Variants in ACSL6 observed in about 807,000 individuals in gnomAD.
The protein encoded by ACSL6 is long-chain-fatty-acid--CoA ligase 6.
In ACSL6, 47 loss-of-function variants were observed where a neutral mutation model predicts 98.2. That is an observed-to-expected ratio of 0.48 (90% CI 0.38 to 0.61). ACSL6 has a LOEUF of 0.61. ACSL6 is among the 20% of genes least tolerant of loss of function. The pLI is 0.00. For missense variants in ACSL6, 761 were observed against 913.4 expected (o/e 0.83, Z 2.15); for synonymous variants, 362 against 336.9 (o/e 1.07, Z -0.82).
chr5:132,006,405 C>T (rs247005), intron 1 of ACSL6: 56,046 of 152,094 alleles, frequency 0.37, 11,613 homozygotes, highest in South Asian at 0.66. Flanking sequence ...CCGAGGCAGC[C>T]GAGCAAATGA....
chr5:131,995,279 A>G (rs550995628), intron 1 of ACSL6, among the ~76,000 whole-genome samples: 3 of 152,292 alleles, frequency 2.0e-5, no homozygotes, highest in Admixed American at 6.5e-5. Flanking sequence ...CCACTAAGTG[A>G]GGCCGTGTTG....
At chr5:131,989,079 G>C (rs1754361823) in intron 5 of ACSL6, among the ~76,000 whole-genome samples, 175 bp from the exon 6 acceptor site, 1 of 152,308 alleles carries the variant, frequency 6.6e-6, no homozygotes, top group South Asian at 2.1e-4. Context: ...GCCTGTACCA[G>C]AGAATTCTGT....
chr5:131,997,725 C>A lies in ACSL6; in HGVS notation c.50-3474G>T, dbSNP rs1754864807. ...GGGCTTGGCTGCCCACTCCTCCTTG[C>A]AACTTCTACTTAGGTGCTCACCCTG... is the stretch of plus-strand genomic sequence containing the variant. On this transcript the variant is annotated intron_variant, in intron 1 of 20. Transcript: ENST00000651883. 2.0e-5 allele frequency among the ~76,000 whole-genome samples: 3 copies of A among 152,354 alleles called. No homozygotes were observed. The South Asian group carries it at 6.2e-4, about 32-fold the overall frequency.
chr5:131,962,991 T>C (rs555999647), intron 17 of ACSL6, among the ~76,000 whole-genome samples: 3 of 151,966 alleles, frequency 2.0e-5, no homozygotes, highest in Admixed American at 2.0e-4. Context: ...ACCTCCTCCT[T>C]CTTGGAGGCC....
At chr5:131,957,064 C>A (rs981414017) in intron 20 of ACSL6, among the ~76,000 whole-genome samples, 1 of 152,108 alleles carries the variant, frequency 6.6e-6, no homozygotes, top group Non-Finnish European at 1.5e-5. Flanking sequence ...GCACAAACTT[C>A]ATAATTTTAG....
rs563308567 is a variant in ACSL6 at position 132,001,120 on chromosome 5, CAG to C, written c.50-6871_50-6870del. Reference sequence around the variant, plus strand: ...ACCCTTACTTTTCTCCAAATATCTTCAGAGATGCTTTTAATATGAAAGCTTCC... The same window carrying C: ...ACCCTTACTTTTCTCCAAATATCTTCAGATGCTTTTAATATGAAAGCTTCC... On this transcript the variant is annotated intron_variant, in intron 1 of 20. Transcript: ENST00000651883. 4.2e-3 allele frequency among the ~76,000 whole-genome samples: 641 copies of C among 152,368 alleles called. 4 individuals carry two copies. Among genetic ancestry groups the C allele is most frequent in the African/African-American group, 0.013 (557 of 41,584 alleles).
rs1269742152 is a variant in ACSL6, at chr5:131,951,494, T to C, written c.*2740A>G. 1 of 202,272 alleles carries C rather than the reference T, an allele frequency of 4.9e-6. No individual in the cohort carries two copies. The highest frequency in any genetic ancestry group is 1.7e-3 in the Middle Eastern group (1 of 598). 12.5% of individuals were successfully genotyped at this position (202,272 alleles called of 1,614,324 possible). A position where few individuals can be genotyped will look rare whatever the true frequency, so the allele number is the denominator to read the frequency against. The stretch of plus-strand genomic sequence containing the variant: ...AGCACATCTGAACTAACCCATTTAT[T>C]GGCCCAAGTGTGATGATTTCCACAT... On this transcript the variant is annotated 3_prime_UTR_variant, in exon 21 of 21. Coordinates refer to ENST00000651883, the MANE Select transcript of ACSL6 (RefSeq NM_001009185.3).
chr5:131,988,252 A>C, intron 6 of ACSL6, 26 bp from the exon 7 acceptor site: 1 of 1,611,608 alleles, frequency 6.2e-7, no homozygotes, highest in Non-Finnish European at 8.5e-7. Context: ...AAGGAGAGTC[A>C]GGCCATGTGG....
intron 20 of ACSL6, 106 bp from the exon 21 acceptor site, chr5:131,954,477 C>T: frequency 8.5e-7 from 1 of 1,170,052 alleles, no homozygotes; most frequent in Non-Finnish European, 1.2e-6. Context: ...TATTGACATA[C>T]AGACATTATG....
Position 131,987,530 on chromosome 5 carries a change from G to C in ACSL6, c.831+518C>G, listed in dbSNP as rs371797139. ...ATAGTGGGGGGTCAGCTGCTACTGG[G>C]CAGGGCCTGAGGCCTTGGAGGCCAG... On this transcript the variant is annotated intron_variant, in intron 7 of 20. Transcript: ENST00000651883. Among the ~76,000 whole-genome samples, 54 of 152,326 alleles carry C rather than the reference G, an allele frequency of 3.5e-4. No homozygotes were observed. The East Asian group carries it at 3.7e-3, about 10-fold the overall frequency.
At chr5:131,965,797 T>A (rs918951450) in intron 17 of ACSL6, among the ~76,000 whole-genome samples, 1 of 152,148 alleles carries the variant, frequency 6.6e-6, no homozygotes, top group African/African-American at 2.4e-5. Flanking sequence ...AACACTGTGA[T>A]CCCTATTTTA....
chr5:131,963,874 T>C (rs1752869919), intron 17 of ACSL6, among the ~76,000 whole-genome samples: 1 of 152,316 alleles, frequency 6.6e-6, no homozygotes, highest in African/African-American at 2.4e-5. Context: ...CATGGTCCAT[T>C]AGCTGGGTGT....
At chr5:131,965,839 C>A (rs938243664) in intron 17 of ACSL6, among the ~76,000 whole-genome samples, 4 of 152,196 alleles carry the variant, frequency 2.6e-5, no homozygotes, top group Non-Finnish European at 4.4e-5. Context: ...GTGGTTTTGG[C>A]TAAAAGCTGG....
At position 132,011,154 on chromosome 5, in the gene ACSL6, G is replaced by C. The variant is rs1390232418; in HGVS notation, c.49+351C>G. Among the ~76,000 whole-genome samples the C allele has an allele frequency of 6.6e-6, 1 of 152,202 alleles. No homozygotes were observed. The highest frequency in any genetic ancestry group is 1.9e-4 in the East Asian group (1 of 5,196). Reference sequence around the variant, plus strand: ...GTTTCTGGTCCCAGGAGATGGACAAGGACGCAATGTCTGTTCCTGGCCTTG... The same window carrying C: ...GTTTCTGGTCCCAGGAGATGGACAACGACGCAATGTCTGTTCCTGGCCTTG... On this transcript the variant is annotated intron_variant, in intron 1 of 20. Transcript: ENST00000651883. The surrounding 1 kb of genome is among the most constrained non-coding windows in gnomAD (Gnocchi z 5.4).
At chr5:131,998,934 G>C (rs995605080) in intron 1 of ACSL6, among the ~76,000 whole-genome samples, 1 of 152,130 alleles carries the variant, frequency 6.6e-6, no homozygotes, top group African/African-American at 2.4e-5. Context: ...AATCACTCCA[G>C]CTTCCTCTGT....
chr5:131,953,327 A>T lies in ACSL6; in HGVS notation c.*907T>A, dbSNP rs1265365272. On this transcript the variant is annotated 3_prime_UTR_variant, in exon 21 of 21. Coordinates refer to ENST00000651883, the MANE Select transcript of ACSL6 (RefSeq NM_001009185.3). The stretch of plus-strand genomic sequence containing the variant: ...ATGACATGTGTTTTAATAATATCTG[A>T]ATTTGGCTGGGAACAATGGCTCATG... 1 of 184,232 alleles carries T rather than the reference A, an allele frequency of 5.4e-6. No individual in the cohort carries two copies. Among genetic ancestry groups the T allele is most frequent in the Non-Finnish European group, 1.2e-5 (1 of 86,740 alleles). The allele number at this position is 184,232 out of a possible 1,614,324, so 11.4% of individuals were successfully genotyped here.
intron 10 of ACSL6, chr5:131,975,429 G>A: frequency 1.0e-6 from 1 of 985,392 alleles, no homozygotes; most frequent in Non-Finnish European, 1.2e-6. Context: ...AGGATCCCTG[G>A]GCTACCCGGG....
chr5:131,975,626 G>A (rs1208315503), intron 10 of ACSL6: 1 of 985,226 alleles, frequency 1.0e-6, no homozygotes, highest in African/African-American at 1.7e-5. Flanking sequence ...GGGCCTTAAA[G>A]AGGAATGCTG....
At position 131,959,573 on chromosome 5, in the gene ACSL6, C is replaced by T; in HGVS notation, c.1994G>A (p.Arg665Lys). 1 of 1,614,170 alleles carries T rather than the reference C, an allele frequency of 6.2e-7. No homozygotes were observed. The highest frequency in any genetic ancestry group is 8.5e-7 in the Non-Finnish European group (1 of 1,180,032). Residue 665 changes from arginine (R) to lysine (K), a missense_variant, in exon 20 of 21, where the codon AGG (arginine) becomes AAG (lysine). Arg to Lys is a conservative substitution (Grantham distance 26). Coordinates refer to ENST00000651883, the MANE Select transcript of ACSL6 (RefSeq NM_001009185.3). Reference protein sequence around the residue: ...LKKAILEDMVRLGKESGLHSF... With the variant: ...LKKAILEDMVKLGKESGLHSF... ...ATGGAGTCCACTTTCTTTTCCTAAC[C>T]TCACCATATCTTCCAAAATGGCTTT... is the stretch of plus-strand genomic sequence containing the variant.
Sources: allele counts gnomAD v4.1 joint callset (sites outside exome capture counted in the v4.1 genomes callset), GRCh38; gene constraint gnomAD v4.1.1; non-coding constraint Gnocchi (gnomAD v3.1); transcripts MANE v1.5; gene names NCBI Gene and HGNC (gene_info 2026-07-23, HGNC 2026-07-21).